The following C1QTNF4 variants were observed in gnomAD, a reference collection of about 807,000 sequenced individuals.
C1QTNF4 encodes the protein C1q and TNF related 4.
A neutral mutation model predicts 14.6 loss-of-function variants in C1QTNF4; 12 were observed. The ratio of observed to expected loss-of-function variants is 0.82; its 90% confidence interval spans 0.53 to 1.33. C1QTNF4 has a LOEUF of 1.33. Ranked by LOEUF, C1QTNF4 falls within the 40% of genes most tolerant of loss-of-function variation. C1QTNF4 has a pLI of 0.00. For missense variants in C1QTNF4, 558 were observed against 500.3 expected (o/e 1.12, Z -1.10); for synonymous variants, 278 against 246.6 (o/e 1.13, Z -1.19).
chr11:47,590,518 C>G lies in C1QTNF4; in HGVS notation c.293G>C (p.Arg98Pro). ...GAAGGCCAGCGCCTGCACCTCGTCG[C>G]GGTTTCGCACCAGCATCACCGACAG... ...KSLSVMLVRN[R>P]DEVQALAFDE... The change falls in exon 2 of 2, where the codon CGC becomes CCC. Residue 98 changes from arginine to proline, a missense_variant. Arg to Pro is a moderately radical substitution (Grantham distance 103). Coordinates refer to ENST00000302514, the MANE Select transcript of C1QTNF4 (RefSeq NM_031909.3). 6.3e-7 allele frequency: 1 copy of G among 1,582,550 alleles called. No individual in the cohort carries two copies. Among genetic ancestry groups the G allele is most frequent in the African/African-American group, 1.4e-5 (1 of 73,966 alleles).
chr11:47,592,430 G>C (rs1158439197), intron 1 of C1QTNF4, among the ~76,000 whole-genome samples: 1 of 152,162 alleles, frequency 6.6e-6, no homozygotes, highest in Non-Finnish European at 1.5e-5. Context: ...GTTTGTCAAC[G>C]GCAGTGCTGA....
At chr11:47,591,174 G>C (rs113919917) in intron 1 of C1QTNF4, among the ~76,000 whole-genome samples, 4 of 152,292 alleles carry the variant, frequency 2.6e-5, no homozygotes, top group African/African-American at 9.6e-5. Flanking sequence ...CACCTCCCGG[G>C]TTCAAGCAGT....
At position 47,590,683 on chromosome 11, in the gene C1QTNF4, G is replaced by GT. The variant is rs1565948667; in HGVS notation, c.127dup (p.Thr43AsnfsTer121). 2.5e-6 allele frequency: 4 copies of GT among 1,611,502 alleles called. No individual in the cohort carries two copies. Among genetic ancestry groups the GT allele is most frequent in the Non-Finnish European group, 2.5e-6 (3 of 1,179,420 alleles). On this transcript the variant is annotated frameshift_variant, in exon 2 of 2. Coordinates refer to ENST00000302514, the MANE Select transcript of C1QTNF4 (RefSeq NM_031909.3). LOFTEE classifies it high-confidence loss of function. ...GTCGAAGGTCACCGCCATCTCCGAC[G>GT]TGCCCTCCAGGGGGGTGGTGCGTGC...
At chr11:47,591,456 T>G (rs897608019) in intron 1 of C1QTNF4, among the ~76,000 whole-genome samples, 5 of 147,252 alleles carry the variant, frequency 3.4e-5, no homozygotes, top group African/African-American at 1.0e-4. Flanking sequence ...TGGCTTGATC[T>G]CGGCTCACTG....
Position 47,590,670 on chromosome 11 carries a change from C to A in C1QTNF4, c.141G>T (p.Ala47=). Residue 47 remains alanine (A), a synonymous_variant, in exon 2 of 2, where the codon GCG becomes GCT. Transcript: ENST00000302514. ...TCACGTACACCTTGTCGAAGGTCACCGCCATCTCCGACGTGCCCTCCAGGG... is the reference window on the plus strand; with the variant it reads ...TCACGTACACCTTGTCGAAGGTCACAGCCATCTCCGACGTGCCCTCCAGGG... ...TTPLEGTSEM[A]VTFDKVYVNI... is the part of the protein sequence containing the mutation. 1 of 1,611,248 alleles carries A rather than the reference C, an allele frequency of 6.2e-7. No homozygotes were observed. Among genetic ancestry groups the A allele is most frequent in the Non-Finnish European group, 8.5e-7 (1 of 1,179,322 alleles).
intron 1 of C1QTNF4, among the ~76,000 whole-genome samples, chr11:47,593,598 C>T (rs757570268): frequency 2.0e-5 from 3 of 152,138 alleles, no homozygotes; most frequent in Non-Finnish European, 2.9e-5. Context: ...TTCCCTGAAC[C>T]CCCTTCCCTG....
intron 1 of C1QTNF4, among the ~76,000 whole-genome samples, chr11:47,593,030 C>G (rs1001777910): frequency 6.6e-6 from 1 of 152,222 alleles, no homozygotes; most frequent in Non-Finnish European, 1.5e-5. Flanking sequence ...TGGCACCTCA[C>G]AAGTGTCCAG....
At position 47,590,581 on chromosome 11, in the gene C1QTNF4, A is replaced by T. The variant is rs771417491; in HGVS notation, c.230T>A (p.Phe77Tyr). 9.3e-6 allele frequency: 15 copies of T among 1,605,512 alleles called. No individual in the cohort carries two copies. In the South Asian group the frequency reaches 1.2e-4, roughly 13 times the overall value. The change falls in exon 2 of 2, where the codon TTC becomes TAC. Residue 77 changes from phenylalanine to tyrosine, a missense_variant. Coordinates refer to ENST00000302514, the MANE Select transcript of C1QTNF4 (RefSeq NM_031909.3). ...GGCCTTGCCAGCCGTGAAGGAGAAG[A>T]AGTAGGCGCCGGGCACGCGGCAGCG... ...QFRCRVPGAY[F>Y]FSFTAGKAPH...
Position 47,590,771 on chromosome 11 carries a change from A to T in C1QTNF4, c.40T>A (p.Cys14Ser). 1 of 1,559,374 alleles carries T rather than the reference A, an allele frequency of 6.4e-7. No homozygotes were observed. Residue 14 changes from cysteine to serine, a missense_variant, in exon 2 of 2, where the codon TGC becomes AGC. Physicochemically the swap from Cys to Ser is moderately radical, Grantham distance 112. Coordinates refer to ENST00000302514, the MANE Select transcript of C1QTNF4 (RefSeq NM_031909.3). ...CCGGGGGTCGGGCCCAGGGCCCAGC[A>T]GGCCGCTGGGCCCAGCAGGCCCAGC... ...LLLGLLGPAA[C>S]WALGPTPGPG...
Position 47,590,227 on chromosome 11 carries a change from C to G in C1QTNF4, c.584G>C (p.Gly195Ala). Residue 195 changes from glycine to alanine, a missense_variant, in exon 2 of 2, where the codon GGG becomes GCG. Transcript: ENST00000302514. ...RSLVGSDAGP[G>A]PRHQPLAFDT... is the part of the protein sequence containing the mutation. ...GAAGGCGAGTGGTTGGTGCCGCGGCCCGGGGCCAGCGTCCGAGCCCACCAA... is the reference window on the plus strand; with the variant it reads ...GAAGGCGAGTGGTTGGTGCCGCGGCGCGGGGCCAGCGTCCGAGCCCACCAA... 6.5e-7 allele frequency: 1 copy of G among 1,532,862 alleles called. No individual in the cohort carries two copies. Among genetic ancestry groups the G allele is most frequent in the Non-Finnish European group, 8.7e-7 (1 of 1,147,180 alleles). The allele number at this position is 1,532,862 out of a possible 1,614,324, so 95.0% of individuals were successfully genotyped here.
chr11:47,589,866 G>C lies in C1QTNF4; in HGVS notation c.945C>G (p.Leu315=), dbSNP rs780116321. The C allele has an allele frequency of 2.1e-5, 33 of 1,551,792 alleles. No homozygotes were observed. Among genetic ancestry groups the C allele is most frequent in the Non-Finnish European group, 2.9e-5 (33 of 1,146,868 alleles). ...TFSGFLVYPD[L]APAAPPGLGA... The stretch of plus-strand genomic sequence containing the variant: ...CGAGGCCCGGCGGGGCGGCGGGGGC[G>C]AGGTCGGGGTACACCAGGAAGCCGG... Residue 315 remains leucine, a synonymous_variant, in exon 2 of 2, where the codon CTC becomes CTG. Transcript: ENST00000302514.
chr11:47,594,575 A>G (rs114118705), upstream of C1QTNF4: 1 of 153,130 alleles, frequency 6.5e-6, no homozygotes, highest in Admixed American at 6.5e-5. Flanking sequence ...AGGCATCATT[A>G]ATCTGAGCAG....
Position 47,589,818 on chromosome 11 carries a change from G to A in C1QTNF4, c.*3C>T. On this transcript the variant is annotated 3_prime_UTR_variant, in exon 2 of 2. Coordinates refer to ENST00000302514, the MANE Select transcript of C1QTNF4 (RefSeq NM_031909.3). ...CCTCCCGGGCTCTTCTCTGGCCCGG[G>A]GCTCACAGTAGCTCCGAGGCCCCGA... is the stretch of plus-strand genomic sequence containing the variant. 3 of 1,524,600 alleles carry A rather than the reference G, an allele frequency of 2.0e-6. No homozygotes were observed. The South Asian group carries it at 3.7e-5, about 19-fold the overall frequency. The allele number at this position is 1,524,600 out of a possible 1,614,324, so 94.4% of individuals were successfully genotyped here.
At chr11:47,590,837 G>A in intron 1 of C1QTNF4, 22 bp from the exon 2 acceptor site, 1 of 1,454,070 alleles carries the variant, frequency 6.9e-7, no homozygotes, top group Non-Finnish European at 9.0e-7. Flanking sequence ...ACGGAGGGGC[G>A]AGAGTGGAGT....
rs776786694 is a variant in C1QTNF4 at position 47,590,249 on chromosome 11, C to G, written c.562G>C (p.Val188Leu). Residue 188 changes from valine (V) to leucine (L), a missense_variant, in exon 2 of 2, where the codon GTG (valine) becomes CTG (leucine). By Grantham distance (32) the Val-to-Leu change is conservative. Coordinates refer to ENST00000302514, the MANE Select transcript of C1QTNF4 (RefSeq NM_031909.3). ...AFSAARTRSL[V>L]GSDAGPGPRH... Reference sequence around the variant, plus strand: ...GGCCCGGGGCCAGCGTCCGAGCCCACCAAGCTGCGCGTGCGCGCCGCCGAG... The same window carrying G: ...GGCCCGGGGCCAGCGTCCGAGCCCAGCAAGCTGCGCGTGCGCGCCGCCGAG... 1 of 1,464,334 alleles carries G rather than the reference C, an allele frequency of 6.8e-7. No homozygotes were observed. The highest frequency in any genetic ancestry group is 2.5e-5 in the East Asian group (1 of 40,394). The allele number at this position is 1,464,334 out of a possible 1,614,324, so 90.7% of individuals were successfully genotyped here. A position where few individuals can be genotyped will look rare whatever the true frequency, so the allele number is the denominator to read the frequency against.
At position 47,590,285 on chromosome 11, in the gene C1QTNF4, G is replaced by C; in HGVS notation, c.526C>G (p.Arg176Gly). 8.4e-7 allele frequency: 1 copy of C among 1,192,726 alleles called. No homozygotes were observed. Among genetic ancestry groups the C allele is most frequent in the South Asian group, 2.8e-5 (1 of 35,630 alleles). The allele number at this position is 1,192,726 out of a possible 1,614,324, so 73.9% of individuals were successfully genotyped here. The change falls in exon 2 of 2, where the codon CGC becomes GGC. Residue 176 changes from arginine to glycine, a missense_variant. Transcript: ENST00000302514. ...ARGPPAPPEP[R>G]SAFSAARTRS... is the part of the protein sequence containing the mutation. ...GTGCGCGCCGCCGAGAAGGCCGAGC[G>C]CGGCTCGGGGGGCGCGGGCGGCCCG...
intron 1 of C1QTNF4, among the ~76,000 whole-genome samples, chr11:47,593,532 A>G (rs571245213): frequency 6.6e-6 from 1 of 152,100 alleles, no homozygotes; most frequent in African/African-American, 2.4e-5. Flanking sequence ...TGCACCCAGT[A>G]CCCAGCCTCC....
rs1157086419 is a variant in C1QTNF4 at position 47,590,395 on chromosome 11, G to A, written c.416C>T (p.Ala139Val). ...GDTVWLRLHG[A>V]PQYALGAPGA... The stretch of plus-strand genomic sequence containing the variant: ...GGGCGCGCCTAGCGCGTACTGCGGG[G>A]CGCCATGCAGCCGCAGCCACACTGT... Residue 139 changes from alanine to valine, a missense_variant, in exon 2 of 2, where the codon GCC (alanine) becomes GTC (valine). Transcript: ENST00000302514. 1.4e-6 allele frequency: 2 copies of A among 1,474,536 alleles called. No homozygotes were observed. The highest frequency in any genetic ancestry group is 2.5e-5 in the East Asian group (1 of 39,322). The allele number at this position is 1,474,536 out of a possible 1,614,324, so 91.3% of individuals were successfully genotyped here.
At chr11:47,594,507 A>C (rs2097277227), upstream of C1QTNF4, 2 of 152,522 alleles carry the variant, frequency 1.3e-5, no homozygotes, top group Non-Finnish European at 1.5e-5. Context: ...TGCGCCGAGC[A>C]CTGGACCCTT....
Sources: gnomAD v4.1 joint callset for allele counts (sites outside exome capture counted in the v4.1 genomes callset) on GRCh38, gnomAD v4.1.1 for gene constraint, MANE v1.5 for transcripts, NCBI Gene and HGNC (gene_info 2026-07-23, HGNC 2026-07-21) for gene names.